ELAPOR2: variants seen among roughly 807,000 people sequenced by gnomAD.
ELAPOR2 encodes the protein endosome/lysosome-associated apoptosis and autophagy regulator family member 2.
A neutral mutation model predicts 120.7 loss-of-function variants in ELAPOR2; 89 were observed. That is an observed-to-expected ratio of 0.74 (90% CI 0.62 to 0.88). ELAPOR2 has a LOEUF of 0.88. Among genes scored for constraint, ELAPOR2 ranks in the 40% least tolerant of loss-of-function variants. The pLI is 0.00. For missense variants in ELAPOR2, 1,134 were observed against 1,251.6 expected (o/e 0.91, Z 1.42); for synonymous variants, 444 against 444.9 (o/e 1.00, Z 0.03).
intron 10 of ELAPOR2, among the ~76,000 whole-genome samples, chr7:86,920,272 A>G (rs1789769825): frequency 6.6e-6 from 1 of 152,178 alleles, no homozygotes; most frequent in African/African-American, 2.4e-5. Context: ...TTGTTTGGCT[A>G]TCTAATGTGG....
intron 1 of ELAPOR2, among the ~76,000 whole-genome samples, chr7:86,981,041 T>C (rs1792458760): frequency 6.6e-6 from 1 of 152,122 alleles, no homozygotes; most frequent in South Asian, 2.1e-4. Context: ...CAGCAGGAGA[T>C]TAGAGAGAGT....
chr7:87,027,993 TAAAC>T lies in ELAPOR2; in HGVS notation c.189+31328_189+31331del, dbSNP rs200339847. Among the ~76,000 whole-genome samples, 1,337 of 152,278 alleles carry T rather than the reference TAAAC, an allele frequency of 8.8e-3. 21 individuals are homozygous for T. Among genetic ancestry groups the T allele is most frequent in the African/African-American group, 0.03 (1,266 of 41,554 alleles). ...AGTATGCCTCATTTTAAGAGACTCT[TAAAC>T]AAGACATCATAATAAAACAACAGCT... On this transcript the variant is annotated intron_variant, in intron 1 of 21. Transcript: ENST00000450689.
At chr7:86,991,897 G>C (rs1387458207) in intron 1 of ELAPOR2, among the ~76,000 whole-genome samples, 1 of 151,998 alleles carries the variant, frequency 6.6e-6, no homozygotes, top group African/African-American at 2.4e-5. Flanking sequence ...CCCATCTGAA[G>C]CATCTGTTTA....
chr7:87,050,628 G>A (rs1795073102), intron 1 of ELAPOR2, among the ~76,000 whole-genome samples: 3 of 152,128 alleles, frequency 2.0e-5, no homozygotes, highest in Admixed American at 1.3e-4. Context: ...TGCGAGAACG[G>A]CCTAATACAG....
chr7:87,008,684 TTCACCCAGCCTAG>T (rs1793561202), intron 1 of ELAPOR2, among the ~76,000 whole-genome samples: 2 of 152,182 alleles, frequency 1.3e-5, no homozygotes, highest in African/African-American at 4.8e-5. Context: ...CATGAGCCAC[TTCACCCAGCCTAG>T]GAAATATGTA....
At chr7:87,013,049 TCTG>T (rs1269368537) in intron 1 of ELAPOR2, among the ~76,000 whole-genome samples, 6 of 152,226 alleles carry the variant, frequency 3.9e-5, no homozygotes, top group Non-Finnish European at 8.8e-5. Context: ...CCTCATCATT[TCTG>T]CTATTACTCT....
At chr7:87,011,428 T>C (rs1793676028) in intron 1 of ELAPOR2, among the ~76,000 whole-genome samples, 2 of 152,186 alleles carry the variant, frequency 1.3e-5, no homozygotes, top group South Asian at 4.1e-4. Context: ...CTCCTAATAC[T>C]ACTGAATGCT....
chr7:87,005,462 G>T (rs561424898), intron 1 of ELAPOR2, among the ~76,000 whole-genome samples: 23 of 152,254 alleles, frequency 1.5e-4, no homozygotes, highest in African/African-American at 5.5e-4. Context: ...ACAATGATTT[G>T]TCCTGGCATT....
rs918619469 is a variant in ELAPOR2 at position 86,896,702 on chromosome 7, A to G, written c.2685+804T>C. Among the ~76,000 whole-genome samples, 3 of 152,158 alleles carry G rather than the reference A, an allele frequency of 2.0e-5. No homozygotes were observed. In the East Asian group the frequency reaches 5.8e-4, roughly 29 times the overall value. On this transcript the variant is annotated intron_variant, in intron 19 of 21. Transcript: ENST00000450689. ...GAAGCAGATTAAGTTTGTTTTTTTCATATGATACTACTCAAAGCTAGTTCA... is the reference window on the plus strand; with the variant it reads ...GAAGCAGATTAAGTTTGTTTTTTTCGTATGATACTACTCAAAGCTAGTTCA...
At chr7:86,893,305 G>T (rs1214535073) in intron 19 of ELAPOR2, among the ~76,000 whole-genome samples, 7 of 151,948 alleles carry the variant, frequency 4.6e-5, no homozygotes, top group Non-Finnish European at 7.4e-5. Context: ...ATATGTGAAT[G>T]AATAAGGAAT....
rs1400368621 is a variant in ELAPOR2 at position 86,883,043 on chromosome 7, T to C, written c.3031-2513A>G. On this transcript the variant is annotated intron_variant, in intron 21 of 21. Coordinates refer to ENST00000450689, the MANE Select transcript of ELAPOR2 (RefSeq NM_001142749.3). ...AAAGGGGTGTGTGTGTGTGTGTGTG[T>C]GTGTGTGTGTGTGTGTGTGAAAGAC... Among the ~76,000 whole-genome samples, 7 of 151,826 alleles carry C rather than the reference T, an allele frequency of 4.6e-5. No individual in the cohort carries two copies. The East Asian group carries it at 1.4e-3, about 29-fold the overall frequency.
intron 19 of ELAPOR2, among the ~76,000 whole-genome samples, chr7:86,896,385 C>A (rs796259252): frequency 3.9e-5 from 6 of 152,160 alleles, no homozygotes; most frequent in African/African-American, 1.2e-4. Flanking sequence ...GAGAATAGTT[C>A]TCTACGGTTT....
intron 21 of ELAPOR2, among the ~76,000 whole-genome samples, chr7:86,889,849 C>A (rs1257870579): frequency 6.6e-6 from 1 of 151,888 alleles, no homozygotes; most frequent in Non-Finnish European, 1.5e-5. Context: ...GTGGAAAGGT[C>A]AACACAAGAA....
chr7:87,051,970 A>C (rs1352999695), intron 1 of ELAPOR2, among the ~76,000 whole-genome samples: 1 of 152,254 alleles, frequency 6.6e-6, no homozygotes, highest in Non-Finnish European at 1.5e-5. Flanking sequence ...TATAAAAGAT[A>C]ATTAAGAAAT....
chr7:86,982,829 G>A (rs746707050), intron 1 of ELAPOR2, among the ~76,000 whole-genome samples: 7 of 152,220 alleles, frequency 4.6e-5, no homozygotes, highest in Non-Finnish European at 7.3e-5. Context: ...TCTGGAGGGA[G>A]ACTGACTTTG....
chr7:87,002,379 C>A (rs1297972361), intron 1 of ELAPOR2, among the ~76,000 whole-genome samples: 1 of 152,144 alleles, frequency 6.6e-6, no homozygotes, highest in Non-Finnish European at 1.5e-5. Flanking sequence ...GCTTCTGCAG[C>A]AGCAGTCTCC....
chr7:86,983,819 C>T (rs572874527), intron 1 of ELAPOR2, among the ~76,000 whole-genome samples: 300 of 152,296 alleles, frequency 2.0e-3, no homozygotes, highest in Non-Finnish European at 3.7e-3. Context: ...ATGACAGGAT[C>T]AAATTCACAC....
intron 18 of ELAPOR2, among the ~76,000 whole-genome samples, chr7:86,899,178 T>A (rs1382035029): frequency 6.6e-6 from 1 of 152,158 alleles, no homozygotes; most frequent in African/African-American, 2.4e-5. Flanking sequence ...TTACCTCAGC[T>A]TGCCTCTTTC....
At chr7:86,942,190 C>CCTG in intron 4 of ELAPOR2, 86 bp from the exon 5 acceptor site, 1 of 720,258 alleles carries the variant, frequency 1.4e-6, no homozygotes. Flanking sequence ...CTGCAAGAAC[C>CCTG]TCGTTCAATA....
Sources: allele counts gnomAD v4.1 joint callset (sites outside exome capture counted in the v4.1 genomes callset), GRCh38; gene constraint gnomAD v4.1.1; transcripts MANE v1.5; gene names NCBI Gene and HGNC (gene_info 2026-07-23, HGNC 2026-07-21).